The following MYLK variants were observed in gnomAD, a reference collection of about 807,000 sequenced individuals.
MYLK encodes myosin light chain kinase.
Under a neutral mutation model 203.4 loss-of-function variants are expected in MYLK, and 106 were observed. That is an observed-to-expected ratio of 0.52 (90% CI 0.45 to 0.61). The LOEUF is 0.61. Among genes scored for constraint, MYLK ranks in the 20% least tolerant of loss-of-function variants. MYLK has a pLI of 0.00. For missense variants in MYLK, 2,072 were observed against 2,442.3 expected, an observed-to-expected ratio of 0.85 and a Z score of 3.20; for synonymous variants, 867 against 959.5, an observed-to-expected ratio of 0.90 and a Z score of 1.78.
intron 1 of MYLK, among the ~76,000 whole-genome samples, chr3:123,880,931 C>T (rs1048562484): frequency 6.6e-5 from 10 of 152,216 alleles, no homozygotes; most frequent in Middle Eastern, 3.4e-3. Flanking sequence ...CCTGTTGGCC[C>T]GCAGTGCAAA....
chr3:123,843,533 A>T (rs1325983827), intron 2 of MYLK, among the ~76,000 whole-genome samples: 1 of 152,236 alleles, frequency 6.6e-6, no homozygotes, highest in Non-Finnish European at 1.5e-5. Flanking sequence ...ACTCTGCTAC[A>T]TTCCAGAATG....
At position 123,700,405 on chromosome 3, in the gene MYLK, C is replaced by T. The variant is rs1157139959; in HGVS notation, c.3063G>A (p.Gly1021=). ...TGGCGTTGCCCACGGGTTTCAAGGGCCCTGAAGGCTGTGCATTGCTCAGGG... is the reference window on the plus strand; with the variant it reads ...TGGCGTTGCCCACGGGTTTCAAGGGTCCTGAAGGCTGTGCATTGCTCAGGG... ...SKPLSNAQPS[G]PLKPVGNAKP... is the part of the protein sequence containing the mutation. Residue 1021 remains glycine (G), a synonymous_variant, in exon 18 of 34, where the codon GGG becomes GGA. Coordinates refer to ENST00000360304, the MANE Select transcript of MYLK (RefSeq NM_053025.4). The T allele has an allele frequency of 5.0e-6, 8 of 1,613,306 alleles. No individual in the cohort carries two copies. The highest frequency in any genetic ancestry group is 6.8e-6 in the Non-Finnish European group (8 of 1,179,842).
chr3:123,706,984 C>T (rs2061484225), intron 16 of MYLK, among the ~76,000 whole-genome samples: 1 of 152,234 alleles, frequency 6.6e-6, no homozygotes, highest in South Asian at 2.1e-4. Flanking sequence ...TAGTGACTCA[C>T]TTCTAACAAA....
intron 3 of MYLK, among the ~76,000 whole-genome samples, chr3:123,823,472 T>C (rs1270208074): frequency 6.6e-6 from 1 of 152,082 alleles, no homozygotes; most frequent in Non-Finnish European, 1.5e-5. Context: ...GGCCCAGAAT[T>C]CATCCCTCAC....
Position 123,615,419 on chromosome 3 carries a change from C to T in MYLK, c.5501-1070G>A, listed in dbSNP as rs767298178. Among the ~76,000 whole-genome samples the T allele has an allele frequency of 4.6e-5, 7 of 151,812 alleles. No individual in the cohort carries two copies. The East Asian group carries it at 7.8e-4, about 17-fold the overall frequency. ...CGTGATCTTGGCTCACTGTAACCTC[C>T]GCCTCCTTGGTTCAAGTGATTCTTG... On this transcript the variant is annotated intron_variant, in intron 33 of 33. Transcript: ENST00000360304.
At position 123,658,774 on chromosome 3, in the gene MYLK, C is replaced by A. The variant is rs549894052; in HGVS notation, c.3986-1346G>T. Among the ~76,000 whole-genome samples the A allele has an allele frequency of 2.0e-5, 3 of 152,318 alleles. No individual in the cohort carries two copies. The South Asian group carries it at 6.2e-4, about 32-fold the overall frequency. ...GGCCAAAGGCAATGGCTGCAAATGA[C>A]CCTGTGTATATGGAGAAGAAAAATC... On this transcript the variant is annotated intron_variant, in intron 23 of 33. Transcript: ENST00000360304.
At chr3:123,793,233 C>T (rs1002750943) in intron 4 of MYLK, among the ~76,000 whole-genome samples, 6 of 152,088 alleles carry the variant, frequency 3.9e-5, no homozygotes, top group Non-Finnish European at 7.4e-5. Context: ...ATCACTGCTC[C>T]GGGTATACCA....
chr3:123,847,780 G>C (rs1232466996), intron 2 of MYLK, among the ~76,000 whole-genome samples: 1 of 151,830 alleles, frequency 6.6e-6, no homozygotes, highest in Admixed American at 6.6e-5. Context: ...GTAAATATTT[G>C]AAATAGATTT....
At chr3:123,784,640 T>C (rs995598073) in intron 4 of MYLK, among the ~76,000 whole-genome samples, 17 of 152,222 alleles carry the variant, frequency 1.1e-4, no homozygotes, top group African/African-American at 4.1e-4. Flanking sequence ...TTTTGACTTT[T>C]GTCTATGGAT....
At chr3:123,702,806 T>G (rs1310946104) in intron 16 of MYLK, among the ~76,000 whole-genome samples, 3 of 152,180 alleles carry the variant, frequency 2.0e-5, no homozygotes, top group African/African-American at 7.2e-5. Context: ...TTGGGCAACA[T>G]AGCAAGACCT....
intron 2 of MYLK, among the ~76,000 whole-genome samples, chr3:123,863,309 C>T (rs2032068730): frequency 8.5e-6 from 1 of 118,140 alleles, no homozygotes; most frequent in East Asian, 2.7e-4. Context: ...TGGTGATTAT[C>T]TTGGTAATTT....
chr3:123,732,640 G>A (rs1302658879), intron 11 of MYLK, among the ~76,000 whole-genome samples: 2 of 152,174 alleles, frequency 1.3e-5, no homozygotes, highest in East Asian at 3.9e-4. Flanking sequence ...AGGGACCTAG[G>A]AAAGGTAGCT....
intron 4 of MYLK, among the ~76,000 whole-genome samples, chr3:123,784,147 G>A (rs1365415685): frequency 6.6e-6 from 1 of 152,200 alleles, no homozygotes; most frequent in Admixed American, 6.5e-5. Context: ...CCTTGGAATG[G>A]TGGGGACTAT....
At position 123,862,108 on chromosome 3, in the gene MYLK, C is replaced by A. The variant is rs9637386; in HGVS notation, c.-127+14451G>T. Among the ~76,000 whole-genome samples, 3,366 of 152,314 alleles carry A rather than the reference C, an allele frequency of 0.022. 348 individuals are homozygous for A. In the East Asian group the frequency reaches 0.35, roughly 16 times the overall value. On this transcript the variant is annotated intron_variant, in intron 2 of 33. Coordinates refer to ENST00000360304, the MANE Select transcript of MYLK (RefSeq NM_053025.4). ...AGGCTCTAAGGCCATGCTGGCTCAGCGTCACCAGTCTGGGCTGCCTCCTGC... is the reference window on the plus strand; with the variant it reads ...AGGCTCTAAGGCCATGCTGGCTCAGAGTCACCAGTCTGGGCTGCCTCCTGC...
In MYLK at chr3:123,722,490, G is replaced by A. The variant is rs118188731; in HGVS notation, c.1652-210C>T. Among the ~76,000 whole-genome samples the A allele has an allele frequency of 9.5e-4, 144 of 152,334 alleles. 1 individual carries two copies. In the East Asian group the frequency reaches 0.017, roughly 18 times the overall value. On this transcript the variant is annotated intron_variant, in intron 12 of 33. Coordinates refer to ENST00000360304, the MANE Select transcript of MYLK (RefSeq NM_053025.4). ...AAGAGCCAGGGGCTAAGGAGATGAA[G>A]GAAAGGGAGTAATTGTGTGGTGGAG...
chr3:123,781,558 A>G (rs1278572191), intron 4 of MYLK, among the ~76,000 whole-genome samples: 1 of 152,252 alleles, frequency 6.6e-6, no homozygotes. Flanking sequence ...GTTCTGTAAA[A>G]TGCCACACAA....
intron 33 of MYLK, among the ~76,000 whole-genome samples, chr3:123,616,037 G>A (rs1407090427): frequency 6.6e-6 from 1 of 152,124 alleles, no homozygotes; most frequent in East Asian, 1.9e-4. Flanking sequence ...GGATCTTTTT[G>A]GAGTGATGAA....
At chr3:123,677,884 A>AATATATATAT (rs3085284) in intron 20 of MYLK, among the ~76,000 whole-genome samples, 3,897 of 52,730 alleles carry the variant, frequency 0.074, 263 homozygotes, top group Non-Finnish European at 0.098. Flanking sequence ...TAAATAAATG[A>AATATATATAT]ATATATATAT....
At chr3:123,847,061 T>A (rs1032383764) in intron 2 of MYLK, among the ~76,000 whole-genome samples, 2 of 152,074 alleles carry the variant, frequency 1.3e-5, no homozygotes, top group Non-Finnish European at 2.9e-5. Context: ...CAAAATATAT[T>A]TTTTAAAAAT....
Sources: allele counts gnomAD v4.1 joint callset (sites outside exome capture counted in the v4.1 genomes callset), GRCh38; gene constraint gnomAD v4.1.1; transcripts MANE v1.5; gene names NCBI Gene and HGNC (gene_info 2026-07-23, HGNC 2026-07-21).